SH3RF2: variants seen among roughly 807,000 people sequenced by gnomAD.
The protein encoded by SH3RF2 is E3 ubiquitin-protein ligase SH3RF2.
Under a neutral mutation model 59.0 loss-of-function variants are expected in SH3RF2, and 43 were observed. The ratio of observed to expected loss-of-function variants is 0.73; its 90% confidence interval spans 0.57 to 0.94. SH3RF2 has a LOEUF of 0.94. Among genes scored for constraint, SH3RF2 ranks in the 40% least tolerant of loss-of-function variants. The probability of loss-of-function intolerance (pLI) is 0.00; values close to 1 mark genes in which losing one functional copy is unlikely to be tolerated. For missense variants in SH3RF2, 930 were observed against 940.1 expected (o/e 0.99, Z 0.14); for synonymous variants, 391 against 391.5 (o/e 1.00, Z 0.01).
intron 2 of SH3RF2, among the ~76,000 whole-genome samples, chr5:145,993,736 AC>A (rs1405663354): frequency 6.6e-6 from 1 of 152,102 alleles, no homozygotes; most frequent in Non-Finnish European, 1.5e-5. Context: ...CCATGAAACC[AC>A]TTTTTCCTCC....
At chr5:145,975,771 T>C (rs952050967) in intron 2 of SH3RF2, among the ~76,000 whole-genome samples, 2 of 152,256 alleles carry the variant, frequency 1.3e-5, no homozygotes, top group Admixed American at 1.3e-4. Flanking sequence ...ATCATTCCCC[T>C]ACTGGGGCAG....
chr5:146,027,003 C>T (rs1761551620), intron 5 of SH3RF2, among the ~76,000 whole-genome samples: 1 of 152,190 alleles, frequency 6.6e-6, no homozygotes, highest in South Asian at 2.1e-4. Context: ...CATCTCCCAT[C>T]CCCACTGCCC....
intron 3 of SH3RF2, 88 bp downstream of exon 3, chr5:146,000,415 T>TA: frequency 8.7e-7 from 1 of 1,148,924 alleles, no homozygotes; most frequent in South Asian, 2.3e-5. Context: ...TTGCTGATTT[T>TA]AAAAAATTGT....
At chr5:146,050,315 C>T (rs1012367476) in intron 7 of SH3RF2, among the ~76,000 whole-genome samples, 4 of 152,132 alleles carry the variant, frequency 2.6e-5, no homozygotes. Flanking sequence ...CCAAGACGTT[C>T]AAGAACATCT....
At position 145,937,882 on chromosome 5, in the gene SH3RF2, C is replaced by A; in HGVS notation, c.-47C>A. 6.4e-7 allele frequency: 1 copy of A among 1,573,332 alleles called. No individual in the cohort carries two copies. The highest frequency in any genetic ancestry group is 8.6e-7 in the Non-Finnish European group (1 of 1,160,418). On this transcript the variant is annotated 5_prime_UTR_variant, in exon 2 of 10. Transcript: ENST00000359120. ...GCCCCCGTGGCTCAACTGACCCTACCATGTGGACGCTGCTCCTCCAGGTGG... is the reference window on the plus strand; with the variant it reads ...GCCCCCGTGGCTCAACTGACCCTACAATGTGGACGCTGCTCCTCCAGGTGG...
chr5:146,026,985 GC>G (rs1401286340), intron 5 of SH3RF2, among the ~76,000 whole-genome samples: 1 of 152,190 alleles, frequency 6.6e-6, no homozygotes, highest in Non-Finnish European at 1.5e-5. Context: ...AAGCCAGGAA[GC>G]TAAAACCATC....
chr5:146,002,539 T>A lies in SH3RF2; in HGVS notation c.649-1519T>A, dbSNP rs1010248975. On this transcript the variant is annotated intron_variant, in intron 3 of 9. Transcript: ENST00000359120. ...AAGGAAGGAAGGAAGGAAGGAAGGA[T>A]AACCTATAAATGCATAATTGCACAT... Among the ~76,000 whole-genome samples, 12 of 132,686 alleles carry A rather than the reference T, an allele frequency of 9.0e-5. No individual in the cohort carries two copies. In the South Asian group the frequency reaches 1.2e-3, roughly 14 times the overall value. 87.0% of individuals were successfully genotyped at this position (132,686 alleles called of 152,430 possible). A position where few individuals can be genotyped will look rare whatever the true frequency, so the allele number is the denominator to read the frequency against.
chr5:146,043,895 TG>T (rs1762207990), intron 5 of SH3RF2: 1 of 152,230 alleles, frequency 6.6e-6, no homozygotes, highest in Non-Finnish European at 1.5e-5. Flanking sequence ...TTTGTTAAAA[TG>T]AATGAAGTTG....
At chr5:146,071,879 A>G (rs1161238954) in intron 9 of SH3RF2, among the ~76,000 whole-genome samples, 1 of 152,182 alleles carries the variant, frequency 6.6e-6, no homozygotes, top group African/African-American at 2.4e-5. Context: ...AGCTCTGAGT[A>G]TGGTATTGGG....
downstream of SH3RF2, among the ~76,000 whole-genome samples, chr5:146,064,801 AAGG>A (rs1163690807): frequency 2.9e-5 from 1 of 34,052 alleles, no homozygotes; most frequent in Non-Finnish European, 6.6e-5. Context: ...GGAAGGAAGG[AAGG>A]AAGGAAAGAA....
At chr5:145,985,456 T>A (rs1458819949) in intron 2 of SH3RF2, among the ~76,000 whole-genome samples, 2 of 152,282 alleles carry the variant, frequency 1.3e-5, no homozygotes, top group East Asian at 3.9e-4. Flanking sequence ...GTATTTACAG[T>A]CACTTCATTC....
chr5:145,951,507 C>G (rs950630954), intron 2 of SH3RF2, among the ~76,000 whole-genome samples: 1 of 152,204 alleles, frequency 6.6e-6, no homozygotes, highest in African/African-American at 2.4e-5. Flanking sequence ...AATCTCGCAT[C>G]TGCAAGACAT....
intron 5 of SH3RF2, among the ~76,000 whole-genome samples, chr5:146,022,456 C>T (rs112557473): frequency 6.6e-6 from 1 of 152,198 alleles, no homozygotes; most frequent in Non-Finnish European, 1.5e-5. Flanking sequence ...ATCTGCCCAC[C>T]TTGCCTCTTG....
intron 4 of SH3RF2, among the ~76,000 whole-genome samples, chr5:146,008,699 T>C (rs971677837): frequency 6.6e-6 from 1 of 152,204 alleles, no homozygotes; most frequent in Non-Finnish European, 1.5e-5. Context: ...AATAAGTATG[T>C]AAAATTGTTT....
intron 2 of SH3RF2, among the ~76,000 whole-genome samples, chr5:145,941,558 A>T (rs1188859522): frequency 2.6e-5 from 4 of 152,204 alleles, no homozygotes; most frequent in Non-Finnish European, 5.9e-5. Context: ...AAGCCTTCAA[A>T]AGGATTGTAG....
intron 8 of SH3RF2, among the ~76,000 whole-genome samples, chr5:146,059,631 C>T (rs938910535): frequency 2.0e-5 from 3 of 152,096 alleles, no homozygotes; most frequent in African/African-American, 7.2e-5. Flanking sequence ...CACACATACA[C>T]ACATACACAC....
intron 2 of SH3RF2, among the ~76,000 whole-genome samples, chr5:145,963,052 C>A (rs1439212237): frequency 1.3e-5 from 2 of 151,848 alleles, no homozygotes; most frequent in African/African-American, 4.8e-5. Flanking sequence ...CAGCTGCCAC[C>A]ACACCCGGCT....
downstream of SH3RF2, among the ~76,000 whole-genome samples, chr5:146,065,870 G>A (rs139478718): frequency 9.6e-3 from 1,457 of 152,298 alleles, 26 homozygotes; most frequent in African/African-American, 0.033. Context: ...TGTTGCCCAG[G>A]CTAGCCTCAA....
At chr5:146,059,524 C>T (rs1762804582) in intron 8 of SH3RF2, among the ~76,000 whole-genome samples, 1 of 152,010 alleles carries the variant, frequency 6.6e-6, no homozygotes, top group African/African-American at 2.4e-5. Context: ...TCTGTGTCTG[C>T]TTCACGCGCG....
Sources: gnomAD v4.1 joint callset for allele counts (sites outside exome capture counted in the v4.1 genomes callset) on GRCh38, gnomAD v4.1.1 for gene constraint, MANE v1.5 for transcripts, NCBI Gene and HGNC (gene_info 2026-07-23, HGNC 2026-07-21) for gene names.